The following MGMT variants were observed in gnomAD, a reference collection of about 807,000 sequenced individuals.
MGMT encodes methylated-DNA--protein-cysteine methyltransferase.
MGMT carries 14 observed loss-of-function variants against 15.9 expected under a neutral mutation model. The ratio of observed to expected loss-of-function variants is 0.88; its 90% CI spans 0.58 to 1.37. The LOEUF is 1.37. MGMT is among the 40% of genes most tolerant of loss of function. The pLI is 0.00. For synonymous variants in MGMT, 130 were observed against 118.2 expected, an observed-to-expected ratio of 1.10 and a Z score of -0.65; for missense variants, 282 against 268.1, an observed-to-expected ratio of 1.05 and a Z score of -0.36.
intron 2 of MGMT, among the ~76,000 whole-genome samples, chr10:129,606,602 A>G (rs1846894162): frequency 6.6e-6 from 1 of 152,230 alleles, no homozygotes; most frequent in African/African-American, 2.4e-5. Flanking sequence ...TACTAGTCAT[A>G]TGGAAATTTG....
At chr10:129,504,646 G>A (rs576088927) in intron 1 of MGMT, among the ~76,000 whole-genome samples, 21 of 152,298 alleles carry the variant, frequency 1.4e-4, no homozygotes, top group African/African-American at 4.1e-4. Flanking sequence ...CTCTTGAGAA[G>A]GACTAGAGAG....
chr10:129,686,907 G>T (rs1010456304), intron 2 of MGMT, among the ~76,000 whole-genome samples: 5 of 152,116 alleles, frequency 3.3e-5, no homozygotes, highest in Admixed American at 6.5e-5. Context: ...GGGCGTGGGG[G>T]TTCTTCTCAG....
chr10:129,653,494 TG>T (rs1847486259), intron 2 of MGMT, among the ~76,000 whole-genome samples: 1 of 152,188 alleles, frequency 6.6e-6, no homozygotes, highest in African/African-American at 2.4e-5. Context: ...AAACACTGAG[TG>T]GCCCCCAGGC....
chr10:129,681,311 A>C (rs1012019451), intron 2 of MGMT, among the ~76,000 whole-genome samples: 2 of 152,162 alleles, frequency 1.3e-5, no homozygotes, highest in African/African-American at 4.8e-5. Flanking sequence ...TCTCATGTGA[A>C]TCACGTTTTC....
At chr10:129,696,560 G>A (rs941514594) in intron 2 of MGMT, among the ~76,000 whole-genome samples, 2 of 152,228 alleles carry the variant, frequency 1.3e-5, no homozygotes, top group Non-Finnish European at 2.9e-5. Context: ...CTTCCCCCTA[G>A]GGAATGGTTT....
At chr10:129,493,098 A>T (rs1371910082) in intron 1 of MGMT, among the ~76,000 whole-genome samples, 1 of 151,910 alleles carries the variant, frequency 6.6e-6, no homozygotes, top group Non-Finnish European at 1.5e-5. Context: ...ACCTTGTTTG[A>T]TGACTTGGTT....
At chr10:129,766,669 CT>C (rs1589983807) in intron 4 of MGMT, 118 bp from the exon 5 acceptor site, 1 of 907,250 alleles carries the variant, frequency 1.1e-6, no homozygotes, top group Non-Finnish European at 1.6e-6. Flanking sequence ...CAGCCTGCCC[CT>C]GGCACAGGCC....
intron 2 of MGMT, among the ~76,000 whole-genome samples, chr10:129,562,740 C>T (rs930460763): frequency 3.3e-5 from 5 of 152,130 alleles, no homozygotes; most frequent in South Asian, 2.1e-4. Context: ...TGTGGGACTT[C>T]GCACTGACTA....
rs567126375 is a variant in MGMT, at chr10:129,566,506, C to G, written c.125+30129C>G. On this transcript the variant is annotated intron_variant, in intron 2 of 4. Coordinates refer to ENST00000651593, the MANE Select transcript of MGMT (RefSeq NM_002412.5). This position sits in a 1 kb window ranked among gnomAD's most constrained non-coding sequence, Gnocchi z 4.1. ...CCTATCCAGAGCTCATTGTCCTCTCCCACTTCCTCCCCGAGCTTCCCATTC... is the reference window on the plus strand; with the variant it reads ...CCTATCCAGAGCTCATTGTCCTCTCGCACTTCCTCCCCGAGCTTCCCATTC... Among the ~76,000 whole-genome samples, 1 of 152,144 alleles carries G rather than the reference C, an allele frequency of 6.6e-6. No individual in the cohort carries two copies. The highest frequency in any genetic ancestry group is 1.5e-5 in the Non-Finnish European group (1 of 68,026).
chr10:129,514,040 A>G (rs906442097), intron 1 of MGMT, among the ~76,000 whole-genome samples: 1 of 152,222 alleles, frequency 6.6e-6, no homozygotes, highest in Non-Finnish European at 1.5e-5. Flanking sequence ...AATTCAGGCT[A>G]CCTTTGAAAT....
At chr10:129,590,417 G>A (rs1846669682) in intron 2 of MGMT, among the ~76,000 whole-genome samples, 1 of 152,156 alleles carries the variant, frequency 6.6e-6, no homozygotes, top group Admixed American at 6.5e-5. Flanking sequence ...GGCTAACTCA[G>A]CATTATTTAA....
intron 1 of MGMT, among the ~76,000 whole-genome samples, chr10:129,505,151 T>C (rs537770952): frequency 1.3e-5 from 2 of 152,278 alleles, no homozygotes; most frequent in South Asian, 4.1e-4. Flanking sequence ...AAAATATAAC[T>C]AGTAGGATTT....
chr10:129,601,315 T>C (rs1318682574), intron 2 of MGMT, among the ~76,000 whole-genome samples: 5 of 152,224 alleles, frequency 3.3e-5, no homozygotes, highest in African/African-American at 1.2e-4. Flanking sequence ...GTGTGTGCAC[T>C]GGGAACAGCA....
intron 3 of MGMT, among the ~76,000 whole-genome samples, chr10:129,756,679 A>G (rs1848811120): frequency 6.6e-6 from 1 of 152,136 alleles, no homozygotes; most frequent in Non-Finnish European, 1.5e-5. Context: ...CATATTGGCT[A>G]GGATGGTCTT....
At chr10:129,523,756 C>A (rs1185219441) in intron 1 of MGMT, among the ~76,000 whole-genome samples, 1 of 152,194 alleles carries the variant, frequency 6.6e-6, no homozygotes, top group Non-Finnish European at 1.5e-5. Flanking sequence ...ATAGAGAGAG[C>A]AGAGGTGGCC....
chr10:129,700,215 T>C (rs1294099936), intron 2 of MGMT: 1 of 152,210 alleles, frequency 6.6e-6, no homozygotes, highest in Non-Finnish European at 1.5e-5. Flanking sequence ...CATGAGCCCG[T>C]TGGCATGCCG....
intron 2 of MGMT, among the ~76,000 whole-genome samples, chr10:129,621,818 T>C (rs1847094215): frequency 6.6e-6 from 1 of 152,222 alleles, no homozygotes; most frequent in African/African-American, 2.4e-5. Flanking sequence ...ATGTGCCTAA[T>C]TTCAATTAGA....
At chr10:129,753,649 T>C (rs1301763599) in intron 3 of MGMT, among the ~76,000 whole-genome samples, 3 of 152,218 alleles carry the variant, frequency 2.0e-5, no homozygotes, top group Admixed American at 6.5e-5. Flanking sequence ...ACACTAAATT[T>C]TCTACTTTAT....
At chr10:129,725,128 C>T (rs1312220467) in intron 3 of MGMT, among the ~76,000 whole-genome samples, 2 of 152,208 alleles carry the variant, frequency 1.3e-5, no homozygotes, top group African/African-American at 2.4e-5. Flanking sequence ...TCTCTCCAGC[C>T]AAGCGAGTGG....
Sources: allele counts gnomAD v4.1 joint callset (sites outside exome capture counted in the v4.1 genomes callset), GRCh38; gene constraint gnomAD v4.1.1; non-coding constraint Gnocchi (gnomAD v3.1); transcripts MANE v1.5; gene names NCBI Gene and HGNC (gene_info 2026-07-23, HGNC 2026-07-21).